NKAIN3: variants seen among roughly 807,000 people sequenced by gnomAD.
NKAIN3 encodes the protein sodium/potassium transporting ATPase interacting 3.
In NKAIN3, 25 loss-of-function variants were observed where a neutral mutation model predicts 30.2. The ratio of observed to expected loss-of-function variants is 0.83; its 90% confidence interval spans 0.60 to 1.16. NKAIN3 has a LOEUF of 1.16. NKAIN3 is among the 50% of genes most tolerant of loss of function. The probability of loss-of-function intolerance (pLI) is 0.00; values close to 1 mark genes in which losing one functional copy is unlikely to be tolerated. For missense variants in NKAIN3, 225 were observed against 254.1 expected (o/e 0.89, Z 0.78); for synonymous variants, 91 against 89.6 (o/e 1.02, Z -0.09).
At chr8:62,693,414 A>G (rs962852946) in intron 3 of NKAIN3, among the ~76,000 whole-genome samples, 1 of 152,224 alleles carries the variant, frequency 6.6e-6, no homozygotes, top group Non-Finnish European at 1.5e-5. Context: ...CACTAGACCC[A>G]GAAATCTTGT....
intron 1 of NKAIN3, among the ~76,000 whole-genome samples, chr8:62,434,075 T>C (rs1451841): frequency 0.41 from 62,646 of 151,938 alleles, 15,075 homozygotes; most frequent in Non-Finnish European, 0.53. Flanking sequence ...ATGCTGAGCA[T>C]GCCAAAGAGA....
intron 5 of NKAIN3, among the ~76,000 whole-genome samples, chr8:62,945,978 A>G (rs530974767): frequency 6.6e-6 from 1 of 152,294 alleles, no homozygotes; most frequent in East Asian, 1.9e-4. Context: ...AAATGTTGGT[A>G]AACTCTGATA....
chr8:62,816,543 C>T (rs1159732441), intron 4 of NKAIN3, among the ~76,000 whole-genome samples: 1 of 152,102 alleles, frequency 6.6e-6, no homozygotes, highest in Non-Finnish European at 1.5e-5. Context: ...GCCATGGCAG[C>T]TCTTGGTTCT....
intron 1 of NKAIN3, among the ~76,000 whole-genome samples, chr8:62,569,183 G>T (rs1216951268): frequency 9.2e-5 from 14 of 152,168 alleles, no homozygotes; most frequent in Non-Finnish European, 2.1e-4. Flanking sequence ...CTCCAGAGTA[G>T]CTCTGTCTAG....
chr8:62,336,557 A>C (rs1416987757), intron 1 of NKAIN3, among the ~76,000 whole-genome samples: 1 of 151,806 alleles, frequency 6.6e-6, no homozygotes, highest in Non-Finnish European at 1.5e-5. Flanking sequence ...AGGCCCTTCT[A>C]GCTTCTGTCC....
Position 62,330,686 on chromosome 8 carries a change from A to G in NKAIN3, c.54+81559A>G, listed in dbSNP as rs189985129. 6.2e-3 allele frequency among the ~76,000 whole-genome samples: 942 copies of G among 151,990 alleles called. 4 individuals carry two copies. Among genetic ancestry groups the G allele is most frequent in the Non-Finnish European group, 8.7e-3 (590 of 67,972 alleles). ...TATCCAGTTACTAACCTAATTTTACATATCTAATGCCCAAGATCTTTCTAA... is the reference window on the plus strand; with the variant it reads ...TATCCAGTTACTAACCTAATTTTACGTATCTAATGCCCAAGATCTTTCTAA... On this transcript the variant is annotated intron_variant, in intron 1 of 6. Transcript: ENST00000623646.
intron 4 of NKAIN3, among the ~76,000 whole-genome samples, chr8:62,885,273 A>C (rs1821110614): frequency 6.6e-6 from 1 of 152,160 alleles, no homozygotes; most frequent in Non-Finnish European, 1.5e-5. Flanking sequence ...CTTAATCTGT[A>C]AGTATTTGGA....
chr8:62,432,067 T>C (rs1318460260), intron 1 of NKAIN3, among the ~76,000 whole-genome samples: 1 of 151,854 alleles, frequency 6.6e-6, no homozygotes, highest in Non-Finnish European at 1.5e-5. Context: ...AAAATGTTTC[T>C]AATTTGATCA....
At chr8:62,929,772 C>T (rs1380089402) in intron 5 of NKAIN3, among the ~76,000 whole-genome samples, 1 of 152,188 alleles carries the variant, frequency 6.6e-6, no homozygotes, top group Non-Finnish European at 1.5e-5. Context: ...CCATGGGCCA[C>T]ATGCAGCCCA....
At chr8:62,400,748 C>CT (rs1413644761) in intron 1 of NKAIN3, among the ~76,000 whole-genome samples, 2 of 151,782 alleles carry the variant, frequency 1.3e-5, no homozygotes, top group African/African-American at 4.8e-5. Context: ...CCACTGTCTC[C>CT]TGTCCTGTAA....
At chr8:62,744,564 T>C (rs1342367680) in intron 3 of NKAIN3, among the ~76,000 whole-genome samples, 2 of 152,172 alleles carry the variant, frequency 1.3e-5, no homozygotes, top group African/African-American at 4.8e-5. Context: ...TCATGCTAGT[T>C]CATCTCGAAC....
intron 1 of NKAIN3, among the ~76,000 whole-genome samples, chr8:62,293,948 C>T (rs968577328): frequency 6.6e-6 from 1 of 152,132 alleles, no homozygotes. Context: ...AGACACCCCT[C>T]CCCCAGCCTC....
chr8:62,596,383 T>C (rs1041272243), intron 3 of NKAIN3, among the ~76,000 whole-genome samples: 1 of 152,016 alleles, frequency 6.6e-6, no homozygotes, highest in African/African-American at 2.4e-5. Context: ...TATTTCCCTT[T>C]CCTTTCCTTT....
intron 3 of NKAIN3, among the ~76,000 whole-genome samples, chr8:62,630,068 T>C (rs934582837): frequency 3.3e-5 from 5 of 152,036 alleles, no homozygotes; most frequent in Admixed American, 1.3e-4. Flanking sequence ...TTATAATATA[T>C]TATAGTCATT....
intron 1 of NKAIN3, among the ~76,000 whole-genome samples, chr8:62,519,797 A>T (rs1808100707): frequency 6.6e-6 from 1 of 152,108 alleles, no homozygotes; most frequent in South Asian, 2.1e-4. Flanking sequence ...AAGTTTTCAG[A>T]TTGCCGGGGC....
chr8:62,254,158 G>A (rs1812196761), intron 1 of NKAIN3, among the ~76,000 whole-genome samples: 1 of 20,648 alleles, frequency 4.8e-5, no homozygotes, highest in African/African-American at 1.6e-4. Context: ...GGTATCGTGT[G>A]TGTGTGTGTG....
intron 3 of NKAIN3, among the ~76,000 whole-genome samples, chr8:62,730,005 T>C (rs1314609014): frequency 1.3e-5 from 2 of 152,194 alleles, no homozygotes; most frequent in Non-Finnish European, 2.9e-5. Flanking sequence ...TGCATATGAG[T>C]GAACAACATG....
At chr8:62,688,494 C>G (rs1270729168) in intron 3 of NKAIN3, among the ~76,000 whole-genome samples, 1 of 152,076 alleles carries the variant, frequency 6.6e-6, no homozygotes, top group Non-Finnish European at 1.5e-5. Context: ...TTTATTCATA[C>G]AATATTGATT....
intron 2 of NKAIN3, among the ~76,000 whole-genome samples, chr8:62,583,387 T>C (rs1810365175): frequency 6.6e-6 from 1 of 152,212 alleles, no homozygotes; most frequent in Non-Finnish European, 1.5e-5. Flanking sequence ...TGGTCTCTTT[T>C]TATGGATTAT....
Sources: allele counts gnomAD v4.1 joint callset (sites outside exome capture counted in the v4.1 genomes callset), GRCh38; gene constraint gnomAD v4.1.1; transcripts MANE v1.5; gene names NCBI Gene and HGNC (gene_info 2026-07-23, HGNC 2026-07-21).